The following DNAJC13 variants were observed in gnomAD, a reference collection of about 807,000 sequenced individuals.
DNAJC13 encodes dnaJ homolog subfamily C member 13.
A neutral mutation model predicts 290.5 loss-of-function variants in DNAJC13; 75 were observed. That is an observed-to-expected ratio of 0.26 (90% CI 0.21 to 0.31). The LOEUF is 0.31. DNAJC13 is among the 10% of genes least tolerant of loss of function. The pLI, the probability that DNAJC13 is intolerant of heterozygous loss-of-function variation, is 1.00. For synonymous variants in DNAJC13, 862 were observed against 892.0 expected (o/e 0.97, Z 0.60); for missense variants, 2,260 against 2,674.5 (o/e 0.85, Z 3.42).
intron 34 of DNAJC13, among the ~76,000 whole-genome samples, chr3:132,494,794 C>T (rs1370018457): frequency 6.6e-6 from 1 of 152,024 alleles, no homozygotes; most frequent in Non-Finnish European, 1.5e-5. Flanking sequence ...TCATTTTGGA[C>T]ATTTTGACAA....
At chr3:132,528,677 T>C (rs1936330055) in intron 54 of DNAJC13, among the ~76,000 whole-genome samples, 1 of 152,208 alleles carries the variant, frequency 6.6e-6, no homozygotes, top group Non-Finnish European at 1.5e-5. Flanking sequence ...ATAACCAAAT[T>C]CATTAACCAT....
chr3:132,496,582 A>G lies in DNAJC13; in HGVS notation c.4075A>G (p.Lys1359Glu), dbSNP rs1559898017. ...TGAATTTTTATGTACCAAATCAGCAAAAATAGTGGATGGGCCAGATCCAGA... is the reference window on the plus strand; with the variant it reads ...TGAATTTTTATGTACCAAATCAGCAGAAATAGTGGATGGGCCAGATCCAGA... ...AYEFLCTKSAKIVDGPDPENI... is the reference protein window; with the variant it reads ...AYEFLCTKSAEIVDGPDPENI... Residue 1359 changes from lysine to glutamate, a missense_variant, in exon 36 of 56, where the codon AAA becomes GAA. Coordinates refer to ENST00000260818, the MANE Select transcript of DNAJC13 (RefSeq NM_015268.4). The G allele has an allele frequency of 6.2e-7, 1 of 1,611,572 alleles. No homozygotes were observed. Among genetic ancestry groups the G allele is most frequent in the Non-Finnish European group, 8.5e-7 (1 of 1,178,584 alleles).
chr3:132,498,820 T>A (rs187987098), intron 36 of DNAJC13, among the ~76,000 whole-genome samples: 236 of 151,854 alleles, frequency 1.6e-3, no homozygotes, highest in African/African-American at 5.5e-3. Context: ...GGTTCACACC[T>A]TTCTCCTGCC....
intron 55 of DNAJC13, among the ~76,000 whole-genome samples, chr3:132,533,538 G>A (rs1936492848): frequency 6.6e-6 from 1 of 151,868 alleles, no homozygotes; most frequent in South Asian, 2.1e-4. Context: ...GTTTTGCTGT[G>A]TTGGCCAGGC....
At chr3:132,480,340 A>G in intron 25 of DNAJC13, 29 bp from the exon 26 acceptor site, 1 of 1,525,330 alleles carries the variant, frequency 6.6e-7, no homozygotes, top group Non-Finnish European at 9.1e-7. Flanking sequence ...AAATGTTTAG[A>G]TTACGAAAAA....
At position 132,438,669 on chromosome 3, in the gene DNAJC13, C is replaced by A. The variant is rs193066545; in HGVS notation, c.68+4051C>A. Among the ~76,000 whole-genome samples the A allele has an allele frequency of 5.6e-4, 86 of 152,262 alleles. 1 individual carries two copies. Among genetic ancestry groups the A allele is most frequent in the Non-Finnish European group, 1.2e-4 (8 of 68,028 alleles). ...TTAAGATAACCTGTCCAGGTATTCCCCTTGAAGATATTTGTGTGACCCATT... is the reference window on the plus strand; with the variant it reads ...TTAAGATAACCTGTCCAGGTATTCCACTTGAAGATATTTGTGTGACCCATT... On this transcript the variant is annotated intron_variant, in intron 2 of 55. Transcript: ENST00000260818.
At chr3:132,487,388 C>G (rs1427064740) in intron 29 of DNAJC13, among the ~76,000 whole-genome samples, 1 of 151,836 alleles carries the variant, frequency 6.6e-6, no homozygotes, top group African/African-American at 2.4e-5. Flanking sequence ...TCCCGAGTAG[C>G]TGGGATTACA....
At chr3:132,480,606 A>G in intron 26 of DNAJC13, 136 bp downstream of exon 26, 1 of 600,492 alleles carries the variant, frequency 1.7e-6, no homozygotes. Context: ...TAGTTCTGAG[A>G]TTTCACACAG....
At chr3:132,537,634 C>T (rs1236052580) in intron 55 of DNAJC13, among the ~76,000 whole-genome samples, 1 of 152,210 alleles carries the variant, frequency 6.6e-6, no homozygotes, top group African/African-American at 2.4e-5. Flanking sequence ...TTGTTTTAAC[C>T]TATGACAGAT....
intron 41 of DNAJC13, among the ~76,000 whole-genome samples, chr3:132,504,480 T>C (rs1034787319): frequency 2.0e-5 from 3 of 152,170 alleles, no homozygotes; most frequent in African/African-American, 2.4e-5. Context: ...AAGTTTGGGA[T>C]TAACCTTTAT....
intron 37 of DNAJC13, 97 bp from the exon 38 acceptor site, chr3:132,499,637 A>G: frequency 9.9e-7 from 1 of 1,014,750 alleles, no homozygotes; most frequent in Non-Finnish European, 1.5e-6. Context: ...TCAAATATTT[A>G]ACATTAAAGG....
rs568538652 is a variant in DNAJC13, at chr3:132,538,330, C to A, written c.*48C>A. On this transcript the variant is annotated 3_prime_UTR_variant, in exon 56 of 56. Transcript: ENST00000260818. The stretch of plus-strand genomic sequence containing the variant: ...CGCTGAAAGGCCAGTGCCAAGTCCA[C>A]ATTCCTCCAGCTGATACGTTGAAGC... The A allele has an allele frequency of 7.4e-6, 11 of 1,480,506 alleles. No individual in the cohort carries two copies. The East Asian group carries it at 2.0e-4, about 28-fold the overall frequency. The allele number at this position is 1,480,506 out of a possible 1,614,324, so 91.7% of individuals were successfully genotyped here.
In DNAJC13 at chr3:132,499,788, C is replaced by T; in HGVS notation, c.4396C>T (p.Pro1466Ser). The part of the protein sequence containing the change: ...CVAVLTRASK[P>S]SDMSVQVCGY... ...GGCTGTCTTGACTCGTGCTAGTAAA[C>T]CAAGTGACATGTCAGTACAGGTGAG... The change falls in exon 38 of 56, where the codon CCA (proline) becomes TCA (serine). Residue 1466 changes from proline (P) to serine (S), a missense_variant. Transcript: ENST00000260818. 1.2e-6 allele frequency: 2 copies of T among 1,614,028 alleles called. No individual in the cohort carries two copies. Among genetic ancestry groups the T allele is most frequent in the East Asian group, 4.5e-5 (2 of 44,880 alleles).
rs1440398336 is a variant in DNAJC13 at position 132,447,839 on chromosome 3, G to A, written c.295-59G>A. 1.1e-5 allele frequency: 15 copies of A among 1,406,358 alleles called. No individual in the cohort carries two copies. The East Asian group carries it at 3.4e-4, about 32-fold the overall frequency. The allele number at this position is 1,406,358 out of a possible 1,614,324, so 87.1% of individuals were successfully genotyped here. A position where few individuals can be genotyped will look rare whatever the true frequency, so the allele number is the denominator to read the frequency against. ...TTACTTGCTTTGAGTAGAAGGGAGT[G>A]AGCCAAGTTTTCCTTACCAGTCTGT... On this transcript the variant is annotated intron_variant, in intron 4 of 55. Transcript: ENST00000260818.
chr3:132,509,624 A>G (rs541317983), intron 43 of DNAJC13, among the ~76,000 whole-genome samples: 1 of 152,216 alleles, frequency 6.6e-6, no homozygotes. Flanking sequence ...TCTTTCATGA[A>G]AGGAAGAGTC....
chr3:132,496,849 T>C (rs1232627336), intron 36 of DNAJC13, among the ~76,000 whole-genome samples, 186 bp downstream of exon 36: 1 of 152,218 alleles, frequency 6.6e-6, no homozygotes, highest in East Asian at 1.9e-4. Context: ...AATATTTGTT[T>C]TATATCTTTC....
intron 55 of DNAJC13, among the ~76,000 whole-genome samples, chr3:132,533,677 G>C (rs572255977): frequency 6.6e-6 from 1 of 152,220 alleles, no homozygotes; most frequent in Admixed American, 6.5e-5. Flanking sequence ...TTAACTAAGA[G>C]TAAATTGGCC....
At chr3:132,467,397 T>A in intron 20 of DNAJC13, 84 bp downstream of exon 20, 2 of 1,379,324 alleles carry the variant, frequency 1.4e-6, no homozygotes, top group South Asian at 2.8e-5. Flanking sequence ...AGAGATGGTA[T>A]CGATACATTT....
chr3:132,512,978 G>T, intron 44 of DNAJC13, 30 bp from the exon 45 acceptor site: 1 of 1,567,846 alleles, frequency 6.4e-7, no homozygotes, highest in Non-Finnish European at 8.8e-7. Context: ...ACATCTCCTG[G>T]AAGTAAACCA....
Sources: allele counts gnomAD v4.1 joint callset (sites outside exome capture counted in the v4.1 genomes callset), GRCh38; gene constraint gnomAD v4.1.1; transcripts MANE v1.5; gene names NCBI Gene and HGNC (gene_info 2026-07-23, HGNC 2026-07-21).